SAMTOR: variants seen among roughly 807,000 people sequenced by gnomAD.
SAMTOR encodes S-adenosylmethionine sensor upstream of mTORC1.
At chr7:112,921,952 CCTCTCCCT>C in the SAMTOR span, among the ~76,000 whole-genome samples, 1 of 151,018 alleles carries the variant, frequency 6.6e-6, no homozygotes, top group Admixed American at 6.6e-5. Flanking sequence ...TCCCCCTCTC[CCTCTCCCT>C]CTCCCTCTCC....
the SAMTOR span, among the ~76,000 whole-genome samples, chr7:112,855,499 G>C: frequency 3.3e-5 from 5 of 152,242 alleles, 1 homozygote; most frequent in East Asian, 9.7e-4. Flanking sequence ...GCCTCATTCA[G>C]GTTTTTGGCA....
the SAMTOR span, among the ~76,000 whole-genome samples, chr7:112,868,055 G>C: frequency 6.6e-6 from 1 of 152,192 alleles, no homozygotes; most frequent in East Asian, 1.9e-4. Flanking sequence ...ATCTGAGGTG[G>C]AAAAGTTTCA....
the SAMTOR span, among the ~76,000 whole-genome samples, chr7:112,930,293 A>C: frequency 6.6e-6 from 1 of 152,296 alleles, no homozygotes; most frequent in African/African-American, 2.4e-5. Flanking sequence ...TCAGCTCTTG[A>C]GCACCTGATA....
chr7:112,857,079 CTTTTTTTT>C, the SAMTOR span, among the ~76,000 whole-genome samples: 1 of 105,782 alleles, frequency 9.5e-6, no homozygotes, highest in Non-Finnish European at 1.8e-5. Flanking sequence ...TTCTTTTAAT[CTTTTTTTT>C]TTTTTTTTTT....
the SAMTOR span, among the ~76,000 whole-genome samples, chr7:112,938,483 A>G: frequency 6.6e-6 from 1 of 152,238 alleles, no homozygotes; most frequent in Admixed American, 6.5e-5. Context: ...GTATAAATCA[A>G]CAGTAACATG....
At chr7:112,865,667 C>CATATATTCATATATATATTTCATAT in the SAMTOR span, among the ~76,000 whole-genome samples, 2 of 92,936 alleles carry the variant, frequency 2.2e-5, no homozygotes, top group African/African-American at 1.0e-4. Flanking sequence ...ATATTTCATA[C>CATATATTCATATATATATTTCATAT]ATACATATAT....
the SAMTOR span, among the ~76,000 whole-genome samples, chr7:112,879,557 A>T: frequency 2.9e-4 from 44 of 152,308 alleles, no homozygotes; most frequent in Non-Finnish European, 6.3e-4. Flanking sequence ...GCCACAAAAT[A>T]AGCTAATACA....
At chr7:112,939,730 G>A in the SAMTOR span, 58 of 1,604,030 alleles carry the variant, frequency 3.6e-5, no homozygotes, top group South Asian at 6.0e-4. Context: ...CAGTATTTCG[G>A]CCGCCGGCCC....
the SAMTOR span, among the ~76,000 whole-genome samples, chr7:112,910,235 C>A: frequency 6.6e-6 from 1 of 151,728 alleles, no homozygotes; most frequent in African/African-American, 2.4e-5. Context: ...AAAAAATAAA[C>A]CCCACAACCC....
chr7:112,927,906 A>G, the SAMTOR span, among the ~76,000 whole-genome samples: 1 of 152,044 alleles, frequency 6.6e-6, no homozygotes, highest in Non-Finnish European at 1.5e-5. Flanking sequence ...ACCAAGTTCA[A>G]TATGATAATC....
the SAMTOR span, among the ~76,000 whole-genome samples, chr7:112,914,527 A>G: frequency 6.6e-6 from 1 of 152,090 alleles, no homozygotes; most frequent in Non-Finnish European, 1.5e-5. Context: ...ATTAGAATCA[A>G]TATCATGAGA....
the SAMTOR span, among the ~76,000 whole-genome samples, chr7:112,880,898 G>T: frequency 6.8e-3 from 1,030 of 152,270 alleles, 63 homozygotes; most frequent in Admixed American, 0.061. Flanking sequence ...CAGCAGGGGA[G>T]GTGTGGCCAG....
chr7:112,863,498 C>T, the SAMTOR span, among the ~76,000 whole-genome samples: 8 of 152,150 alleles, frequency 5.3e-5, no homozygotes, highest in East Asian at 5.8e-4. Context: ...GAACAGACAA[C>T]GTACAGAATG....
At chr7:112,917,537 G>A in the SAMTOR span, among the ~76,000 whole-genome samples, 1 of 152,204 alleles carries the variant, frequency 6.6e-6, no homozygotes, top group African/African-American at 2.4e-5. Flanking sequence ...AAAAAGCAGA[G>A]CGCCTCTCCT....
At chr7:112,924,979 A>G in the SAMTOR span, among the ~76,000 whole-genome samples, 4 of 152,200 alleles carry the variant, frequency 2.6e-5, no homozygotes, top group African/African-American at 9.7e-5. Flanking sequence ...TTCAAGTTGA[A>G]GGTATACACA....
At chr7:112,860,698 A>C in the SAMTOR span, among the ~76,000 whole-genome samples, 1 of 152,030 alleles carries the variant, frequency 6.6e-6, no homozygotes, top group Non-Finnish European at 1.5e-5. Flanking sequence ...GTCAGGGGTC[A>C]GGAGATCGAG....
chr7:112,915,383 G>A, the SAMTOR span: 1,198 of 1,613,222 alleles, frequency 7.4e-4, 8 homozygotes, highest in South Asian at 5.2e-3. Context: ...TCATTGCAAC[G>A]GCATATTCAC....
the SAMTOR span, among the ~76,000 whole-genome samples, chr7:112,881,119 A>G: frequency 6.6e-6 from 1 of 152,124 alleles, no homozygotes; most frequent in Non-Finnish European, 1.5e-5. Context: ...CCAATTTCAG[A>G]GCAAAGTTGT....
chr7:112,939,295 T>TC, the SAMTOR span: 1 of 471,642 alleles, frequency 2.1e-6, no homozygotes, highest in East Asian at 4.1e-5. Flanking sequence ...TGTTTGTGTG[T>TC]GCCGAGACAA....
Sources: gnomAD v4.1 joint callset for allele counts (sites outside exome capture counted in the v4.1 genomes callset) on GRCh38, gnomAD v4.1.1 for gene constraint, MANE v1.5 for transcripts, NCBI Gene and HGNC (gene_info 2026-07-23, HGNC 2026-07-21) for gene names.